CCDC74A: variants seen among roughly 807,000 people sequenced by gnomAD.
The protein encoded by CCDC74A is coiled-coil domain-containing protein 74A.
In CCDC74A, 38 loss-of-function variants were observed where a neutral mutation model predicts 37.6. That is an observed-to-expected ratio of 1.01 (90% CI 0.78 to 1.33). The LOEUF is 1.33. Among genes scored for constraint, CCDC74A ranks in the 40% most tolerant of loss-of-function variants. The pLI, the probability that CCDC74A is intolerant of heterozygous loss-of-function variation, is 0.00. For synonymous variants in CCDC74A, 134 were observed against 165.2 expected (o/e 0.81, Z 1.45); for missense variants, 340 against 403.4 (o/e 0.84, Z 1.35).
At chr2:131,523,731 C>G (rs572797202), upstream of CCDC74A, among the ~76,000 whole-genome samples, 3 of 152,174 alleles carry the variant, frequency 2.0e-5, no homozygotes, top group Non-Finnish European at 4.4e-5. Flanking sequence ...AATGCAGATT[C>G]CAGGGAGAAT....
At chr2:131,526,525 C>G (rs1301882242), upstream of CCDC74A, among the ~76,000 whole-genome samples, 1 of 152,194 alleles carries the variant, frequency 6.6e-6, no homozygotes, top group Non-Finnish European at 1.5e-5. Flanking sequence ...ATGTTGTCCA[C>G]TTTTTCCATT....
chr2:131,529,342 G>A (rs1466159890), intron 1 of CCDC74A: 7 of 573,142 alleles, frequency 1.2e-5, no homozygotes, highest in East Asian at 8.8e-5. Flanking sequence ...CAGGGGTTCC[G>A]GAGTTCACCT....
At chr2:131,529,348 C>T (rs1680788514) in intron 1 of CCDC74A, 9 of 581,424 alleles carry the variant, frequency 1.5e-5, no homozygotes, top group South Asian at 1.4e-4. Flanking sequence ...TTCCGGAGTT[C>T]ACCTCTGTAC....
rs1482125624 is a variant in CCDC74A at position 131,533,633 on chromosome 2, G to A, written c.*235G>A. On this transcript the variant is annotated 3_prime_UTR_variant, in exon 8 of 8. Coordinates refer to ENST00000409856, the MANE Select transcript of CCDC74A (RefSeq NM_001258306.3). Reference sequence around the variant, plus strand: ...CGATGAAGCAGGTATCGCCTTACCTGTTGAAACTGAAAATAAAGCTTGTTT... The same window carrying A: ...CGATGAAGCAGGTATCGCCTTACCTATTGAAACTGAAAATAAAGCTTGTTT... The A allele has an allele frequency of 8.8e-6, 5 of 570,684 alleles. No homozygotes were observed. The highest frequency in any genetic ancestry group is 4.7e-5 in the South Asian group (2 of 42,476). The allele number at this position is 570,684 out of a possible 1,614,324, so 35.4% of individuals were successfully genotyped here. A position where few individuals can be genotyped will look rare whatever the true frequency, so the allele number is the denominator to read the frequency against.
intron 2 of CCDC74A, 166 bp downstream of exon 2, chr2:131,529,857 C>T (rs1436805533): frequency 8.7e-6 from 13 of 1,496,594 alleles, no homozygotes; most frequent in African/African-American, 2.8e-5. Context: ...CGTGGCTGGA[C>T]GATGTTATGC....
At chr2:131,526,874 C>A (rs953778786), upstream of CCDC74A, among the ~76,000 whole-genome samples, 1 of 152,062 alleles carries the variant, frequency 6.6e-6, no homozygotes, top group Non-Finnish European at 1.5e-5. Context: ...CTGAGATGAG[C>A]AGTTCTTTCA....
At position 131,529,647 on chromosome 2, in the gene CCDC74A, A is replaced by G. The variant is rs774936277; in HGVS notation, c.251A>G (p.Asp84Gly). The G allele has an allele frequency of 8.7e-6, 14 of 1,614,000 alleles. No individual in the cohort carries two copies. The South Asian group carries it at 1.5e-4, about 18-fold the overall frequency. The change falls in exon 2 of 8, where the codon GAT becomes GGT. Residue 84 changes from aspartate (D) to glycine (G), a missense_variant and splice_region_variant. Asp to Gly is a moderately conservative substitution (Grantham distance 94). Around this residue, in one of 3 missense-constraint regions of CCDC74A, gnomAD observed 154 missense variants for 153.9 expected, o/e 1.00. Coordinates refer to ENST00000409856, the MANE Select transcript of CCDC74A (RefSeq NM_001258306.3). ...EIEHLKRENK[D>G]LHYKLIMNQT... ...GAGGAGAGCGTGTGCTTGCTTTCAG[A>G]TCTCCATTACAAGCTCATAATGAAT...
chr2:131,523,710 AGT>A (rs1333428805), upstream of CCDC74A, among the ~76,000 whole-genome samples: 1 of 152,218 alleles, frequency 6.6e-6, no homozygotes, highest in East Asian at 1.9e-4. Context: ...ATTTCACTAA[AGT>A]GTTAATTGAA....
At chr2:131,531,566 C>T (rs911085526) in intron 3 of CCDC74A, 98 bp from the exon 4 acceptor site, 2 of 1,352,044 alleles carry the variant, frequency 1.5e-6, no homozygotes, top group Non-Finnish European at 1.9e-6. Flanking sequence ...ACAGGGGCTT[C>T]TTGGGTACAC....
chr2:131,533,140 G>C (rs1226158399), intron 7 of CCDC74A, 71 bp downstream of exon 7: 25 of 1,611,602 alleles, frequency 1.6e-5, no homozygotes, highest in Non-Finnish European at 2.1e-5. Flanking sequence ...GTGGGGAAGG[G>C]AGGGTGGCAG....
upstream of CCDC74A, chr2:131,527,797 G>A (rs1252996199): frequency 5.5e-5 from 46 of 834,218 alleles, no homozygotes; most frequent in Non-Finnish European, 5.2e-6. Flanking sequence ...GCCCAGCCCT[G>A]GATGCCTTGT....
At position 131,531,666 on chromosome 2, in the gene CCDC74A, A is replaced by G. The variant is rs779099963; in HGVS notation, c.349A>G (p.Lys117Glu). Residue 117 changes from lysine to glutamate, a missense_variant and splice_region_variant, in exon 4 of 8, where the codon AAG (lysine) becomes GAG (glutamate). By Grantham distance (56) the Lys-to-Glu change is moderately conservative (BLOSUM62 1). Transcript: ENST00000409856. ...QSVKSISNSGKARPQPGSFNK... is the reference protein window; with the variant it reads ...QSVKSISNSGEARPQPGSFNK... ...CTGACTTGCAGCCAACTCTCAAGGC[A>G]AGGCCAGGCCCCAGCCCGGCTCCTT... The G allele has an allele frequency of 1.4e-5, 21 of 1,539,204 alleles. No homozygotes were observed. In the Admixed American group the frequency reaches 1.4e-4, roughly 11 times the overall value.
chr2:131,533,210 C>T (rs1338518622), intron 7 of CCDC74A, 59 bp from the exon 8 acceptor site: 12 of 1,609,408 alleles, frequency 7.5e-6, no homozygotes, highest in Admixed American at 1.7e-5. Context: ...GCAGGCCGCA[C>T]TCCCCACACA....
intron 1 of CCDC74A, among the ~76,000 whole-genome samples, chr2:131,528,895 A>G (rs1353849251): frequency 6.6e-6 from 1 of 152,074 alleles, no homozygotes; most frequent in Non-Finnish European, 1.5e-5. Flanking sequence ...AGCTAAACAC[A>G]TCGGATCAGG....
chr2:131,529,602 G>C (rs2104797441), intron 1 of CCDC74A, 45 bp from the exon 2 acceptor site: 1 of 1,613,476 alleles, frequency 6.2e-7, no homozygotes, highest in East Asian at 2.2e-5. Flanking sequence ...TCTCAGAATA[G>C]CTGTGGTTTC....
At chr2:131,530,015 G>A (rs1438218212) in intron 2 of CCDC74A, 1 of 1,550,140 alleles carries the variant, frequency 6.5e-7, no homozygotes, top group Non-Finnish European at 8.7e-7. Context: ...TGCCCTGCTA[G>A]ATCTTTGCCT....
chr2:131,528,223 G>C lies in CCDC74A; in HGVS notation c.250+3G>C. ...GCATCTGAAGCGGGAAAACAAGGGT[G>C]AGCCGGCGCGGGGCCCTAGGCCGGC... is the stretch of plus-strand genomic sequence containing the variant. On this transcript the variant is annotated splice_donor_region_variant and intron_variant, in intron 1 of 7. Coordinates refer to ENST00000409856, the MANE Select transcript of CCDC74A (RefSeq NM_001258306.3). 13 of 1,611,584 alleles carry C rather than the reference G, an allele frequency of 8.1e-6. No individual in the cohort carries two copies. The highest frequency in any genetic ancestry group is 1.1e-5 in the Non-Finnish European group (13 of 1,179,184).
At position 131,533,207 on chromosome 2, in the gene CCDC74A, G is replaced by T. The variant is rs573391798; in HGVS notation, c.810-62G>T. On this transcript the variant is annotated intron_variant, in intron 7 of 7. Coordinates refer to ENST00000409856, the MANE Select transcript of CCDC74A (RefSeq NM_001258306.3). ...TGCCCCCGTGAGGGCCATGCAGGCC[G>T]CACTCCCCACACACTCCACTCCCGG... is the stretch of plus-strand genomic sequence containing the variant. The T allele has an allele frequency of 2.5e-6, 4 of 1,607,250 alleles. No individual in the cohort carries two copies. The South Asian group carries it at 3.3e-5, about 13-fold the overall frequency.
intron 3 of CCDC74A, among the ~76,000 whole-genome samples, 165 bp downstream of exon 3, chr2:131,530,992 G>A (rs1368915421): frequency 6.6e-6 from 1 of 151,990 alleles, no homozygotes; most frequent in African/African-American, 2.4e-5. Context: ...AAGCCACCGG[G>A]AGGGGATTAA....
Sources: gnomAD v4.1 joint callset for allele counts (sites outside exome capture counted in the v4.1 genomes callset) on GRCh38, gnomAD v4.1.1 for gene constraint, gnomAD v4.1.1 regional missense constraint, MANE v1.5 for transcripts, NCBI Gene and HGNC (gene_info 2026-07-23, HGNC 2026-07-21) for gene names.